RBFOX1: variants seen among roughly 807,000 people sequenced by gnomAD.
RBFOX1 encodes the protein RNA binding fox-1 homolog 1, also known as RNA binding protein fox-1 homolog 1.
A neutral mutation model predicts 57.7 loss-of-function variants in RBFOX1; 8 were observed. The ratio of observed to expected loss-of-function variants is 0.14; its 90% CI spans 0.08 to 0.25. RBFOX1 has a LOEUF of 0.25. RBFOX1 is among the 10% of genes least tolerant of loss of function. RBFOX1 has a pLI of 1.00. For missense variants in RBFOX1, 611 were observed against 548.5 expected, an observed-to-expected ratio of 1.11 and a Z score of -1.14; for synonymous variants, 326 against 222.4, an observed-to-expected ratio of 1.47 and a Z score of -4.15.
intron 3 of RBFOX1, among the ~76,000 whole-genome samples, chr16:6,888,203 A>G (rs534392905): frequency 1.3e-5 from 2 of 152,344 alleles, no homozygotes; most frequent in East Asian, 3.9e-4. Flanking sequence ...TACCCAAAAA[A>G]TAACTAACTT....
At chr16:7,676,653 A>T in intron 13 of RBFOX1, 121 bp from the exon 14 acceptor site, 2 of 859,858 alleles carry the variant, frequency 2.3e-6, no homozygotes, top group Admixed American at 3.9e-5. Context: ...CTAAGCTTTC[A>T]TTAACCTCAA....
chr16:7,005,888 A>T (rs146147496), intron 3 of RBFOX1, among the ~76,000 whole-genome samples: 1 of 152,134 alleles, frequency 6.6e-6, no homozygotes, highest in Non-Finnish European at 1.5e-5. Flanking sequence ...GATAAGAACT[A>T]TGAAGATACC....
At chr16:6,548,564 C>G in intron 2 of RBFOX1, among the ~76,000 whole-genome samples, 1 of 152,088 alleles carries the variant, frequency 6.6e-6, no homozygotes, top group African/African-American at 2.4e-5. Context: ...CAGGTAGTCA[C>G]AGGGATGACA....
At chr16:5,522,567 G>A (rs145186731) in intron 2 of RBFOX1, among the ~76,000 whole-genome samples, 25 of 152,250 alleles carry the variant, frequency 1.6e-4, no homozygotes, top group African/African-American at 5.8e-4. Flanking sequence ...CTCTCTTCTA[G>A]CTATTTTGAG....
chr16:6,740,670 C>G (rs1000422652), intron 3 of RBFOX1, among the ~76,000 whole-genome samples: 8 of 152,122 alleles, frequency 5.3e-5, no homozygotes, highest in African/African-American at 1.9e-4. Context: ...AGGTGTGCAT[C>G]TAACAGGACT....
intron 2 of RBFOX1, among the ~76,000 whole-genome samples, chr16:6,482,648 G>A (rs539418013): frequency 2.0e-4 from 30 of 152,266 alleles, no homozygotes; most frequent in South Asian, 1.5e-3. Context: ...AGTACGTAAC[G>A]TGGAAAAAGA....
At chr16:6,247,520 T>G (rs2097575932) in intron 1 of RBFOX1, among the ~76,000 whole-genome samples, 1 of 152,242 alleles carries the variant, frequency 6.6e-6, no homozygotes, top group Non-Finnish European at 1.5e-5. Context: ...ATAGTGGTAG[T>G]AACAGCCAAT....
At position 5,599,942 on chromosome 16, in the gene RBFOX1, G is replaced by A. The variant is rs561353022; in HGVS notation, c.*693G>A. 16 of 152,168 alleles carry A rather than the reference G, an allele frequency of 1.1e-4. No homozygotes were observed. In the East Asian group the frequency reaches 3.1e-3, roughly 30 times the overall value. 9.4% of individuals were successfully genotyped at this position (152,168 alleles called of 1,614,324 possible). ...AGCCCTTTGGGAGGCCAAGGTAAGA[G>A]GATTGCTTGAGCTCAGGAGTTGGAG... On this transcript the variant is annotated 3_prime_UTR_variant, in exon 3 of 3. Coordinates refer to the RBFOX1 transcript ENST00000585867.
chr16:5,339,466 C>T (rs1189210383), intron 1 of RBFOX1, among the ~76,000 whole-genome samples: 2 of 44,498 alleles, frequency 4.5e-5, no homozygotes, highest in Admixed American at 2.7e-4. Context: ...GCTGCTTTTT[C>T]CGTGTTTTTT....
intron 4 of RBFOX1, among the ~76,000 whole-genome samples, chr16:7,487,690 C>T (rs1391395751): frequency 2.0e-5 from 3 of 152,184 alleles, no homozygotes; most frequent in Non-Finnish European, 4.4e-5. Context: ...CTCACACACA[C>T]ACATGCATTC....
chr16:5,756,328 G>A (rs1223056384), intron 3 of RBFOX1, among the ~76,000 whole-genome samples: 2 of 151,608 alleles, frequency 1.3e-5, no homozygotes, highest in East Asian at 1.9e-4. Context: ...ATAGGAAAAG[G>A]GCAAGCAAAC....
At chr16:5,259,548 A>T (rs1458322791) in intron 1 of RBFOX1, among the ~76,000 whole-genome samples, 3 of 152,186 alleles carry the variant, frequency 2.0e-5, no homozygotes, top group African/African-American at 2.4e-5. Flanking sequence ...CAGCTTGTGA[A>T]GTGAGCTTTC....
intron 4 of RBFOX1, among the ~76,000 whole-genome samples, chr16:7,273,582 A>G (rs2095382499): frequency 6.6e-6 from 1 of 152,178 alleles, no homozygotes; most frequent in Non-Finnish European, 1.5e-5. Flanking sequence ...TTCAATGGAA[A>G]AGTTGCAAAC....
chr16:5,295,321 A>G (rs2063639794), intron 1 of RBFOX1, among the ~76,000 whole-genome samples: 1 of 152,208 alleles, frequency 6.6e-6, no homozygotes, highest in African/African-American at 2.4e-5. Context: ...TACATGATGT[A>G]AGACAGTTTT....
At chr16:5,922,801 C>A (rs2058852957) in intron 4 of RBFOX1, among the ~76,000 whole-genome samples, 1 of 152,224 alleles carries the variant, frequency 6.6e-6, no homozygotes, top group Admixed American at 6.5e-5. Context: ...GGCTAACGCT[C>A]TCCATTCTGC....
intron 2 of RBFOX1, among the ~76,000 whole-genome samples, chr16:6,326,562 C>T (rs1009654538): frequency 2.6e-5 from 4 of 152,102 alleles, no homozygotes; most frequent in African/African-American, 7.2e-5. Context: ...AGGGCATTCT[C>T]CTCTCAGGGT....
At chr16:7,237,003 C>A (rs888374499) in intron 4 of RBFOX1, among the ~76,000 whole-genome samples, 6 of 152,188 alleles carry the variant, frequency 3.9e-5, no homozygotes, top group African/African-American at 1.4e-4. Context: ...GCAAGCCGTT[C>A]TTTCACTAGA....
chr16:6,382,795 G>T (rs2091934656), intron 2 of RBFOX1, among the ~76,000 whole-genome samples: 10 of 152,302 alleles, frequency 6.6e-5, no homozygotes, highest in Admixed American at 6.5e-4. Context: ...AGGAGGTGGA[G>T]GTTGCAGTGA....
At chr16:5,713,520 A>G (rs1402360772) in intron 3 of RBFOX1, among the ~76,000 whole-genome samples, 1 of 152,140 alleles carries the variant, frequency 6.6e-6, no homozygotes, top group Non-Finnish European at 1.5e-5. Flanking sequence ...TTTGTTCCTA[A>G]GGAGGGTATC....
Sources: gnomAD v4.1 joint callset for allele counts (sites outside exome capture counted in the v4.1 genomes callset) on GRCh38, gnomAD v4.1.1 for gene constraint, MANE v1.5 for transcripts, NCBI Gene and HGNC (gene_info 2026-07-23, HGNC 2026-07-21) for gene names.